Variants in FSD1L observed in about 807,000 individuals in gnomAD.
The protein encoded by FSD1L is FSD1-like protein.
In FSD1L, 45 loss-of-function variants were observed where a neutral mutation model predicts 71.6. The ratio of observed to expected loss-of-function variants is 0.63; its 90% CI spans 0.49 to 0.81. FSD1L has a LOEUF of 0.81. FSD1L is among the 30% of genes least tolerant of loss of function. FSD1L has a pLI of 0.00. For synonymous variants in FSD1L, 197 were observed against 207.2 expected, an observed-to-expected ratio of 0.95 and a Z score of 0.42; for missense variants, 561 against 618.1, an observed-to-expected ratio of 0.91 and a Z score of 0.98.
At chr9:105,479,478 T>A in intron 6 of FSD1L, 102 bp downstream of exon 6, 1 of 962,818 alleles carries the variant, frequency 1.0e-6, no homozygotes. Context: ...AAGATAAAAG[T>A]ACCCAATGAC....
At chr9:105,443,496 T>C (rs1289613840), upstream of FSD1L, among the ~76,000 whole-genome samples, 2 of 152,024 alleles carry the variant, frequency 1.3e-5, no homozygotes, top group African/African-American at 4.8e-5. Flanking sequence ...CAAGATGAGA[T>C]TTGGGTGGGG....
intron 7 of FSD1L, among the ~76,000 whole-genome samples, chr9:105,493,861 G>A (rs901972064): frequency 1.4e-4 from 21 of 152,296 alleles, no homozygotes; most frequent in Non-Finnish European, 2.4e-4. Flanking sequence ...AGTTTCTGCC[G>A]AGAGATCCGC....
At chr9:105,490,059 A>G (rs1832820578) in intron 7 of FSD1L, among the ~76,000 whole-genome samples, 1 of 152,248 alleles carries the variant, frequency 6.6e-6, no homozygotes, top group South Asian at 2.1e-4. Context: ...TTCTAGTTCT[A>G]GATCCCTGAG....
At position 105,448,153 on chromosome 9, in the gene FSD1L, G is replaced by C. The variant is rs549601228; in HGVS notation, c.-68G>C. 3,234 of 1,501,928 alleles carry C rather than the reference G, an allele frequency of 2.2e-3. 3 individuals carry two copies. Among genetic ancestry groups the C allele is most frequent in the Non-Finnish European group, 2.8e-3 (3,074 of 1,105,848 alleles). 93.0% of individuals were successfully genotyped at this position (1,501,928 alleles called of 1,614,324 possible). On this transcript the variant is annotated 5_prime_UTR_variant, in exon 1 of 14. Coordinates refer to ENST00000481272, the MANE Select transcript of FSD1L (RefSeq NM_001145313.3). Reference sequence around the variant, plus strand: ...AGTGAGTAGCGGTCTTGGGGTGTGCGATCTCGCTGAGCCTCCTCACACGGT... The same window carrying C: ...AGTGAGTAGCGGTCTTGGGGTGTGCCATCTCGCTGAGCCTCCTCACACGGT...
chr9:105,508,781 G>C (rs1834223496), intron 9 of FSD1L, 66 bp downstream of exon 9: 3 of 924,108 alleles, frequency 3.2e-6, no homozygotes, highest in South Asian at 3.2e-5. Flanking sequence ...TCATAACTTT[G>C]TAACAGGAAG....
rs79262940 is a variant in FSD1L, at chr9:105,510,258, T to C, written c.895+1543T>C. ...TTGAGTAAACCCTCTGCGGTAGGAA[T>C]AGACTGAAACTCAACTCTGAGACCC... is the stretch of plus-strand genomic sequence containing the variant. On this transcript the variant is annotated intron_variant, in intron 9 of 13. Transcript: ENST00000481272. Among the ~76,000 whole-genome samples, 86 of 152,264 alleles carry C rather than the reference T, an allele frequency of 5.6e-4. No homozygotes were observed. In the East Asian group the frequency reaches 0.014, roughly 25 times the overall value.
chr9:105,476,082 A>G (rs535849973), intron 5 of FSD1L, among the ~76,000 whole-genome samples: 4 of 152,324 alleles, frequency 2.6e-5, no homozygotes, highest in Middle Eastern at 3.4e-3. Flanking sequence ...AATAGTTTCT[A>G]TATTCACCCA....
At chr9:105,522,051 G>A in intron 10 of FSD1L, 1 of 1,613,024 alleles carries the variant, frequency 6.2e-7, no homozygotes, top group Non-Finnish European at 8.5e-7. Flanking sequence ...GCCATCACAA[G>A]CTTTTCTACA....
intron 1 of FSD1L, among the ~76,000 whole-genome samples, chr9:105,450,466 T>G (rs920789569): frequency 2.0e-5 from 3 of 152,170 alleles, no homozygotes; most frequent in Non-Finnish European, 2.9e-5. Context: ...TGTCTCCATT[T>G]CTTCATCTGT....
At chr9:105,479,308 A>C in intron 5 of FSD1L, 46 bp from the exon 6 acceptor site, 1 of 1,542,102 alleles carries the variant, frequency 6.5e-7, no homozygotes, top group Non-Finnish European at 8.8e-7. Context: ...ACTTGCATGA[A>C]AAGCACTAAC....
Position 105,468,235 on chromosome 9 carries a change from G to T in FSD1L, c.250G>T (p.Asp84Tyr). The change falls in exon 4 of 14, where the codon GAT becomes TAT. Residue 84 changes from aspartate to tyrosine, a missense_variant. Physicochemically the swap from Asp to Tyr is radical, Grantham distance 160. Transcript: ENST00000481272. ...ACTCTCAGAGTTAGATGAAGAATTT[G>T]ATAGTTTATACTCTATACTGGATGA... ...NILSELDEEF[D>Y]SLYSILDEVK... The T allele has an allele frequency of 6.9e-7, 1 of 1,444,438 alleles. No homozygotes were observed. The highest frequency in any genetic ancestry group is 1.5e-5 in the South Asian group (1 of 65,434). 89.5% of individuals were successfully genotyped at this position (1,444,438 alleles called of 1,614,324 possible).
At chr9:105,447,382 T>G (rs569281701), upstream of FSD1L, among the ~76,000 whole-genome samples, 5 of 150,174 alleles carry the variant, frequency 3.3e-5, no homozygotes, top group South Asian at 1.1e-3. Context: ...CTACTAATTA[T>G]GTACCATACG....
Position 105,501,280 on chromosome 9 carries a change from G to T in FSD1L, c.587-5119G>T, listed in dbSNP as rs74842731. 5.9e-3 allele frequency among the ~76,000 whole-genome samples: 904 copies of T among 152,064 alleles called. 12 individuals are homozygous for T. Among genetic ancestry groups the T allele is most frequent in the South Asian group, 0.045 (216 of 4,810 alleles). On this transcript the variant is annotated intron_variant, in intron 7 of 13. Coordinates refer to ENST00000481272, the MANE Select transcript of FSD1L (RefSeq NM_001145313.3). ...TCCAGAGTATGGTAGTTATATGATA[G>T]TTATAGCAGTCTATGATAGTATATG...
At chr9:105,466,194 T>C (rs185750810) in intron 3 of FSD1L, among the ~76,000 whole-genome samples, 2 of 152,232 alleles carry the variant, frequency 1.3e-5, no homozygotes, top group Admixed American at 1.3e-4. Context: ...AAATGAAAGA[T>C]CTGTATACTG....
chr9:105,524,650 A>G, intron 10 of FSD1L: 3 of 1,613,952 alleles, frequency 1.9e-6, no homozygotes, highest in Non-Finnish European at 2.5e-6. Context: ...CCTTTTATGC[A>G]TTTGGAAAGT....
At chr9:105,478,487 C>T (rs1588968493) in intron 5 of FSD1L, among the ~76,000 whole-genome samples, 1 of 152,222 alleles carries the variant, frequency 6.6e-6, no homozygotes, top group South Asian at 2.1e-4. Context: ...AGCAAAACAG[C>T]CTTGTCTATG....
In FSD1L at chr9:105,481,176, T is replaced by TGTGTGG. The variant is rs1454412244; in HGVS notation, c.464+1803_464+1804insTGGGTG. Among the ~76,000 whole-genome samples, 80 of 123,196 alleles carry TGTGTGG rather than the reference T, an allele frequency of 6.5e-4. 1 individual carries two copies. Among genetic ancestry groups the TGTGTGG allele is most frequent in the South Asian group, 1.1e-3 (4 of 3,684 alleles). 80.8% of individuals were successfully genotyped at this position (123,196 alleles called of 152,430 possible). On this transcript the variant is annotated intron_variant, in intron 6 of 13. Coordinates refer to ENST00000481272, the MANE Select transcript of FSD1L (RefSeq NM_001145313.3). ...GTGTGTGTGTGTGTGTGTGTGTGTG[T>TGTGTGG]GTGGTTCTTTTTTTTTTTTTTTTTT...
chr9:105,475,315 A>G (rs1249906590), intron 5 of FSD1L, among the ~76,000 whole-genome samples: 1 of 152,188 alleles, frequency 6.6e-6, no homozygotes, highest in East Asian at 1.9e-4. Flanking sequence ...GTTGGGTGAA[A>G]GGGGAACAGT....
rs116039776 is a variant in FSD1L at position 105,537,580 on chromosome 9, G to T, written c.1379-1683G>T. ...AAGGGGAAGTTGTACTGTGGAATAG[G>T]ATCAGATTCTGAGAGCCTTGAAAAA... On this transcript the variant is annotated intron_variant, in intron 12 of 13. Transcript: ENST00000481272. Among the ~76,000 whole-genome samples, 1,396 of 152,142 alleles carry T rather than the reference G, an allele frequency of 9.2e-3. 22 individuals carry two copies. The highest frequency in any genetic ancestry group is 0.032 in the African/African-American group (1,338 of 41,502).
Sources: gnomAD v4.1 joint callset for allele counts (sites outside exome capture counted in the v4.1 genomes callset) on GRCh38, gnomAD v4.1.1 for gene constraint, MANE v1.5 for transcripts, NCBI Gene and HGNC (gene_info 2026-07-23, HGNC 2026-07-21) for gene names.